The following VAV2 variants were observed in gnomAD, a reference collection of about 807,000 sequenced individuals.
The protein encoded by VAV2 is guanine nucleotide exchange factor VAV2.
VAV2 carries 67 observed loss-of-function variants against 132.5 expected under a neutral mutation model. That is an observed-to-expected ratio of 0.51 (90% CI 0.42 to 0.62). The LOEUF is 0.62. Among genes scored for constraint, VAV2 ranks in the 20% least tolerant of loss-of-function variants. The probability of loss-of-function intolerance (pLI) is 0.00; values close to 1 mark genes in which losing one functional copy is unlikely to be tolerated. For missense variants in VAV2, 938 were observed against 1,153.6 expected, an observed-to-expected ratio of 0.81 and a Z score of 2.71; for synonymous variants, 492 against 443.5, an observed-to-expected ratio of 1.11 and a Z score of -1.37.
chr9:133,968,082 T>C (rs1842206988), intron 1 of VAV2, among the ~76,000 whole-genome samples: 1 of 152,010 alleles, frequency 6.6e-6, no homozygotes, highest in Admixed American at 6.6e-5. Context: ...GAGAGATTGG[T>C]TAATGGGGGC....
intron 2 of VAV2, among the ~76,000 whole-genome samples, chr9:133,900,908 C>G (rs892549188): frequency 1.4e-4 from 22 of 151,864 alleles, no homozygotes; most frequent in Non-Finnish European, 2.9e-4. Flanking sequence ...GTGCAATTCT[C>G]CTGTCTCAGC....
Position 133,852,172 on chromosome 9 carries a change from A to G in VAV2, c.380+9202T>C, listed in dbSNP as rs190905416. Among the ~76,000 whole-genome samples the G allele has an allele frequency of 1.8e-4, 28 of 151,774 alleles. No homozygotes were observed. In the East Asian group the frequency reaches 4.7e-3, roughly 25 times the overall value. ...GTGCTTGAATGATGGGTGGGTGGGTAGATGTAGCGATGAGGGGACGGATGG... is the reference window on the plus strand; with the variant it reads ...GTGCTTGAATGATGGGTGGGTGGGTGGATGTAGCGATGAGGGGACGGATGG... On this transcript the variant is annotated intron_variant, in intron 3 of 29. Transcript: ENST00000371850.
At chr9:133,776,229 T>C in intron 23 of VAV2, 149 bp from the exon 24 acceptor site, 1 of 1,163,604 alleles carries the variant, frequency 8.6e-7, no homozygotes, top group African/African-American at 1.6e-5. Flanking sequence ...GCCCCTGGCC[T>C]GGGAGGTGCC....
Position 133,991,561 on chromosome 9 carries a change from C to G in VAV2, c.204+514G>C, listed in dbSNP as rs2789866. ...CCGGCGAGGGGGCGGTGCCCGGGGC[C>G]AACCCAGCTCCCTCCGGCCCCGAGG... On this transcript the variant is annotated intron_variant, in intron 1 of 29. Transcript: ENST00000371850. The surrounding 1 kb of genome is among the most constrained non-coding windows in gnomAD (Gnocchi z 4.8). Among the ~76,000 whole-genome samples, 53,708 of 151,582 alleles carry G rather than the reference C, an allele frequency of 0.35. 9,992 individuals are homozygous for G. The highest frequency in any genetic ancestry group is 0.47 in the African/African-American group (19,578 of 41,406).
At chr9:133,944,068 C>G (rs1841274015) in intron 1 of VAV2, among the ~76,000 whole-genome samples, 1 of 152,194 alleles carries the variant, frequency 6.6e-6, no homozygotes, top group African/African-American at 2.4e-5. Flanking sequence ...CGAGGGCATC[C>G]TGGATGGCAA....
chr9:133,869,453 A>T (rs1054122404), intron 2 of VAV2, among the ~76,000 whole-genome samples: 2 of 142,316 alleles, frequency 1.4e-5, no homozygotes, highest in African/African-American at 2.9e-5. Flanking sequence ...AAAAAATAAA[A>T]AAAAAAAATA....
At position 133,769,106 on chromosome 9, in the gene VAV2, C is replaced by G. The variant is rs1412001222; in HGVS notation, c.2434+311G>C. ...CCTCGTGGCCACCTGCTTTCTGCTA[C>G]CAGAGGCAAAGCTCTTGATGAACAA... is the stretch of plus-strand genomic sequence containing the variant. On this transcript the variant is annotated intron_variant, in intron 28 of 29. Coordinates refer to ENST00000371850, the MANE Select transcript of VAV2 (RefSeq NM_001134398.2). This position sits in a 1 kb window ranked among gnomAD's most constrained non-coding sequence, Gnocchi z 8.1. 6.6e-6 allele frequency among the ~76,000 whole-genome samples: 1 copy of G among 152,224 alleles called. No individual in the cohort carries two copies. The highest frequency in any genetic ancestry group is 1.5e-5 in the Non-Finnish European group (1 of 68,042).
At chr9:133,898,022 C>T (rs1404914683) in intron 2 of VAV2, among the ~76,000 whole-genome samples, 2 of 152,094 alleles carry the variant, frequency 1.3e-5, no homozygotes, top group African/African-American at 2.4e-5. Context: ...GGACACTCTG[C>T]CCAGACAGAC....
intron 9 of VAV2, among the ~76,000 whole-genome samples, chr9:133,805,498 C>T (rs1028854226): frequency 2.0e-5 from 3 of 152,204 alleles, no homozygotes; most frequent in South Asian, 2.1e-4. Context: ...CCCCCAGAAA[C>T]GCCATCTCCC....
chr9:133,915,692 C>T (rs1419239367), intron 2 of VAV2, among the ~76,000 whole-genome samples: 1 of 137,752 alleles, frequency 7.3e-6, no homozygotes, highest in Middle Eastern at 3.4e-3. Context: ...TGCACACGTG[C>T]ACACACAATG....
At chr9:133,947,567 C>T (rs890838305) in intron 1 of VAV2, among the ~76,000 whole-genome samples, 4 of 151,768 alleles carry the variant, frequency 2.6e-5, no homozygotes, top group Admixed American at 6.6e-5. Context: ...GGCGTGGTGG[C>T]GCATGCCTGT....
rs1564465492 is a variant in VAV2 at position 133,918,755 on chromosome 9, AT to A, written c.321+20347del. On this transcript the variant is annotated intron_variant, in intron 2 of 29. Coordinates refer to ENST00000371850, the MANE Select transcript of VAV2 (RefSeq NM_001134398.2). The surrounding 1 kb of genome is among the most constrained non-coding windows in gnomAD (Gnocchi z 4.7). ...CTAAGCCTCCCAAGAAGCAGCCGCCATGTGTGTGTGTGTGTTTGTTTGTTTG... is the reference window on the plus strand; with the variant it reads ...CTAAGCCTCCCAAGAAGCAGCCGCCAGTGTGTGTGTGTGTTTGTTTGTTTG... 8.5e-6 allele frequency among the ~76,000 whole-genome samples: 1 copy of A among 117,532 alleles called. No homozygotes were observed. Among genetic ancestry groups the A allele is most frequent in the African/African-American group, 6.5e-5 (1 of 15,320 alleles). The allele number at this position is 117,532 out of a possible 152,430, so 77.1% of individuals were successfully genotyped here.
At chr9:133,977,832 C>A (rs1842562530) in intron 1 of VAV2, among the ~76,000 whole-genome samples, 1 of 152,242 alleles carries the variant, frequency 6.6e-6, no homozygotes, top group South Asian at 2.1e-4. Flanking sequence ...GGGGCAGCAC[C>A]TGAGTCAGGA....
chr9:133,809,059 G>T lies in VAV2; in HGVS notation c.647C>A (p.Thr216Asn). The T allele has an allele frequency of 6.2e-7, 1 of 1,613,974 alleles. No homozygotes were observed. The highest frequency in any genetic ancestry group is 1.1e-5 in the South Asian group (1 of 91,074). Residue 216 changes from threonine to asparagine, a missense_variant, in exon 7 of 30, where the codon ACC becomes AAC. Physicochemically the swap from Thr to Asn is moderately conservative, Grantham distance 65. Coordinates refer to ENST00000371850, the MANE Select transcript of VAV2 (RefSeq NM_001134398.2). ...CCTCACCTTCTCAATGTCCTCCAGG[G>T]TGCGGTAGTACTTGGCCTCGGTCTC... The part of the protein sequence containing the change: ...IQETEAKYYR[T>N]LEDIEKNYMS...
rs2502750 is a variant in VAV2, at chr9:133,824,373, A to G, written c.449+9899T>C. ...CCCGAGAACAGACACAGCAGAGACC[A>G]GGACCCTCCTAAAACCCCAGCCCAA... On this transcript the variant is annotated intron_variant, in intron 4 of 29. Coordinates refer to ENST00000371850, the MANE Select transcript of VAV2 (RefSeq NM_001134398.2). This position sits in a 1 kb window ranked among gnomAD's most constrained non-coding sequence, Gnocchi z 5.2. Among the ~76,000 whole-genome samples, 28,512 of 151,822 alleles carry G rather than the reference A, an allele frequency of 0.19. 3,254 individuals carry two copies. Among genetic ancestry groups the G allele is most frequent in the African/African-American group, 0.31 (12,778 of 41,328 alleles).
chr9:133,936,224 A>G (rs371345645), intron 2 of VAV2, among the ~76,000 whole-genome samples: 1 of 150,644 alleles, frequency 6.6e-6, no homozygotes, highest in East Asian at 2.0e-4. Flanking sequence ...CTGTCTCCCA[A>G]AGGTGCAGCC....
At chr9:133,862,068 T>A (rs1158219954) in intron 2 of VAV2, among the ~76,000 whole-genome samples, 1 of 152,230 alleles carries the variant, frequency 6.6e-6, no homozygotes, top group Non-Finnish European at 1.5e-5. Context: ...TCTCTCCTTG[T>A]CTCCCCTGGC....
chr9:133,982,452 CT>C (rs562969643), intron 1 of VAV2, among the ~76,000 whole-genome samples: 2 of 125,516 alleles, frequency 1.6e-5, no homozygotes, highest in Admixed American at 8.0e-5. Flanking sequence ...GCATGGCAGA[CT>C]CTGGCTGGCA....
chr9:133,897,802 G>T (rs1839272736), intron 2 of VAV2, among the ~76,000 whole-genome samples: 1 of 152,120 alleles, frequency 6.6e-6, no homozygotes, highest in Non-Finnish European at 1.5e-5. Context: ...ATTAACGCTG[G>T]AGGCAAAAAG....
Sources: allele counts gnomAD v4.1 joint callset (sites outside exome capture counted in the v4.1 genomes callset), GRCh38; gene constraint gnomAD v4.1.1; non-coding constraint Gnocchi (gnomAD v3.1); transcripts MANE v1.5; gene names NCBI Gene and HGNC (gene_info 2026-07-23, HGNC 2026-07-21).